Variants in CRIM1 observed in about 807,000 individuals in gnomAD.
The protein encoded by CRIM1 is cysteine-rich motor neuron 1 protein.
CRIM1 carries 32 observed loss-of-function variants against 116.4 expected under a neutral mutation model. The ratio of observed to expected loss-of-function variants is 0.27; its 90% confidence interval spans 0.21 to 0.37. The LOEUF is 0.37. CRIM1 is among the 10% of genes least tolerant of loss of function. CRIM1 has a pLI of 1.00. For missense variants in CRIM1, 1,331 were observed against 1,354.8 expected (o/e 0.98, Z 0.28); for synonymous variants, 590 against 509.2 (o/e 1.16, Z -2.13).
intron 14 of CRIM1, among the ~76,000 whole-genome samples, chr2:36,543,659 A>C (rs1490983363): frequency 6.6e-6 from 1 of 151,906 alleles, no homozygotes; most frequent in Non-Finnish European, 1.5e-5. Flanking sequence ...AATACAAAGA[A>C]ATATTTGTAG....
At chr2:36,408,003 A>C (rs1672939165) in intron 2 of CRIM1, among the ~76,000 whole-genome samples, 1 of 152,176 alleles carries the variant, frequency 6.6e-6, no homozygotes, top group African/African-American at 2.4e-5. Flanking sequence ...TAGTTCAAGC[A>C]CTTTTCTGTC....
chr2:36,543,878 C>G lies in CRIM1; in HGVS notation c.2624-498C>G, dbSNP rs541577220. Among the ~76,000 whole-genome samples, 7 of 152,198 alleles carry G rather than the reference C, an allele frequency of 4.6e-5. No individual in the cohort carries two copies. In the South Asian group the frequency reaches 1.2e-3, roughly 27 times the overall value. On this transcript the variant is annotated intron_variant, in intron 14 of 16. Coordinates refer to ENST00000280527, the MANE Select transcript of CRIM1 (RefSeq NM_016441.3). The stretch of plus-strand genomic sequence containing the variant: ...TGAGACTTATACTCATGAGGTCTAC[C>G]TACAGTCCATTCCCATTTAGGGGAA...
intron 4 of CRIM1, among the ~76,000 whole-genome samples, chr2:36,453,094 G>A (rs751662069): frequency 6.6e-6 from 1 of 152,100 alleles, no homozygotes; most frequent in Non-Finnish European, 1.5e-5. Context: ...CCCAAATCAC[G>A]GAATATATTT....
At position 36,441,395 on chromosome 2, in the gene CRIM1, G is replaced by T. The variant is rs766676698; in HGVS notation, c.643G>T (p.Ala215Ser). 1.2e-6 allele frequency: 2 copies of T among 1,614,146 alleles called. No homozygotes were observed. The highest frequency in any genetic ancestry group is 4.5e-5 in the East Asian group (2 of 44,872). The change falls in exon 3 of 17, where the codon GCA becomes TCA. Residue 215 changes from alanine (A) to serine (S), a missense_variant. Coordinates refer to ENST00000280527, the MANE Select transcript of CRIM1 (RefSeq NM_016441.3). The stretch of plus-strand genomic sequence containing the variant: ...ACCCAGCCGCTGCGTGTGCAACCCC[G>T]CAGGCTGTCTGCGCAAAGTCTGCCA... The part of the protein sequence containing the change: ...PLPSRCVCNP[A>S]GCLRKVCQPG...
intron 4 of CRIM1, among the ~76,000 whole-genome samples, chr2:36,457,563 C>G (rs188154907): frequency 6.6e-6 from 1 of 152,090 alleles, no homozygotes; most frequent in East Asian, 1.9e-4. Flanking sequence ...CAGGAATAAG[C>G]TTGAGACAGG....
intron 1 of CRIM1, among the ~76,000 whole-genome samples, chr2:36,369,604 A>G (rs1017046104): frequency 2.0e-5 from 3 of 152,176 alleles, no homozygotes; most frequent in Non-Finnish European, 4.4e-5. Flanking sequence ...TTTTTGCCAT[A>G]TAGGAACATA....
chr2:36,492,138 G>C (rs929833049), intron 7 of CRIM1, among the ~76,000 whole-genome samples: 11 of 152,114 alleles, frequency 7.2e-5, no homozygotes, highest in Admixed American at 2.0e-4. Flanking sequence ...CTTGGGAAAA[G>C]CATACAAAAT....
At chr2:36,513,879 T>G (rs1664863404) in intron 11 of CRIM1, 114 bp downstream of exon 11, 3 of 857,412 alleles carry the variant, frequency 3.5e-6, no homozygotes, top group Non-Finnish European at 5.5e-6. Context: ...TGGAACACTT[T>G]TCAGCACTGT....
chr2:36,522,130 G>A lies in CRIM1; in HGVS notation c.2245G>A (p.Val749Ile), dbSNP rs746838743. 104 of 1,613,980 alleles carry A rather than the reference G, an allele frequency of 6.4e-5. 1 individual carries two copies. In the East Asian group the frequency reaches 1.0e-3, roughly 16 times the overall value. The change falls in exon 13 of 17, where the codon GTA (valine) becomes ATA (isoleucine). Residue 749 changes from valine (V) to isoleucine (I), a missense_variant. By Grantham distance (29) the Val-to-Ile change is conservative. Transcript: ENST00000280527. ...FRPSLSRNNS[V>I]PNYCKNDEGD... Reference sequence around the variant, plus strand: ...GCCTTCCTTGTCCCGCAATAACAGCGTACCTAATTACTGCAAAAATGATGA... The same window carrying A: ...GCCTTCCTTGTCCCGCAATAACAGCATACCTAATTACTGCAAAAATGATGA...
At chr2:36,401,630 C>T (rs775421097) in intron 2 of CRIM1, among the ~76,000 whole-genome samples, 2 of 152,186 alleles carry the variant, frequency 1.3e-5, no homozygotes, top group South Asian at 4.1e-4. Flanking sequence ...TAAGTAATGT[C>T]AATACCAAAG....
At position 36,513,718 on chromosome 2, in the gene CRIM1, G is replaced by A; in HGVS notation, c.1943G>A (p.Cys648Tyr). 1 of 1,614,240 alleles carries A rather than the reference G, an allele frequency of 6.2e-7. No individual in the cohort carries two copies. Among genetic ancestry groups the A allele is most frequent in the Non-Finnish European group, 8.5e-7 (1 of 1,180,032 alleles). ...CTGATCACCTGCCCGGTGCCTGCCT[G>A]TGGCAACCCCACCATTCACCCTGGA... ...CALITCPVPACGNPTIHPGQC... is the reference protein window; with the variant it reads ...CALITCPVPAYGNPTIHPGQC... Residue 648 changes from cysteine to tyrosine, a missense_variant, in exon 11 of 17, where the codon TGT becomes TAT. By Grantham distance (194) the Cys-to-Tyr change is radical (BLOSUM62 -2). Around this residue, in one of 3 missense-constraint regions of CRIM1, gnomAD observed 358 missense variants for 436.1 expected, o/e 0.82. Transcript: ENST00000280527.
chr2:36,502,018 A>G (rs985281007), intron 8 of CRIM1, among the ~76,000 whole-genome samples: 1 of 152,304 alleles, frequency 6.6e-6, no homozygotes, highest in South Asian at 2.1e-4. Context: ...ACATTAAGAA[A>G]GCTACATCTT....
In CRIM1 at chr2:36,479,500, C is replaced by T. The variant is rs1461177199; in HGVS notation, c.1178C>T (p.Pro393Leu). The part of the protein sequence containing the change: ...EGECCPVCED[P>L]VYPFNNPAGC... ...CTGAACTCATGTTCTCATTTAGATC[C>T]AGTGTATCCTTTTAATAATCCCGCT... Residue 393 changes from proline (P) to leucine (L), a missense_variant, in exon 7 of 17, where the codon CCA becomes CTA. Pro to Leu is a moderately conservative substitution (Grantham distance 98, BLOSUM62 -3). Coordinates refer to ENST00000280527, the MANE Select transcript of CRIM1 (RefSeq NM_016441.3). The T allele has an allele frequency of 3.1e-6, 5 of 1,613,970 alleles. No homozygotes were observed. The highest frequency in any genetic ancestry group is 2.7e-5 in the African/African-American group (2 of 74,920).
chr2:36,524,808 TTTTTA>T (rs1665643728), intron 13 of CRIM1, among the ~76,000 whole-genome samples: 1 of 152,216 alleles, frequency 6.6e-6, no homozygotes, highest in African/African-American at 2.4e-5. Flanking sequence ...GTAGTCTTTC[TTTTTA>T]TTTTTTATTT....
At chr2:36,461,827 C>G (rs549826269) in intron 4 of CRIM1, among the ~76,000 whole-genome samples, 1 of 152,138 alleles carries the variant, frequency 6.6e-6, no homozygotes, top group Non-Finnish European at 1.5e-5. Flanking sequence ...TTGACCATTT[C>G]GAACTGCAAA....
At chr2:36,422,071 T>A (rs1674109532) in intron 2 of CRIM1, among the ~76,000 whole-genome samples, 1 of 151,596 alleles carries the variant, frequency 6.6e-6, no homozygotes, top group African/African-American at 2.4e-5. Flanking sequence ...AAAGAAAATG[T>A]CAAAAGGAAC....
At chr2:36,474,474 C>CT (rs1050861100) in intron 5 of CRIM1, among the ~76,000 whole-genome samples, 4 of 152,114 alleles carry the variant, frequency 2.6e-5, no homozygotes, top group African/African-American at 7.2e-5. Context: ...GATCATAACT[C>CT]TATGATTCAT....
intron 14 of CRIM1, among the ~76,000 whole-genome samples, chr2:36,543,252 G>A (rs901241440): frequency 6.6e-6 from 1 of 152,018 alleles, no homozygotes. Flanking sequence ...TTCCCTGGCT[G>A]GGTACCCAGT....
At chr2:36,369,625 T>A (rs1305433408) in intron 1 of CRIM1, among the ~76,000 whole-genome samples, 1 of 152,220 alleles carries the variant, frequency 6.6e-6, no homozygotes, top group African/African-American at 2.4e-5. Context: ...TGAAATGTTA[T>A]ATGTAATATA....
Sources: allele counts gnomAD v4.1 joint callset (sites outside exome capture counted in the v4.1 genomes callset), GRCh38; gene constraint gnomAD v4.1.1; regional missense constraint gnomAD v4.1.1; transcripts MANE v1.5; gene names NCBI Gene and HGNC (gene_info 2026-07-23, HGNC 2026-07-21).